Variants in XPO5 observed in about 807,000 individuals in gnomAD.
XPO5 encodes exportin-5.
XPO5 carries 46 observed loss-of-function variants against 160.6 expected under a neutral mutation model. The ratio of observed to expected loss-of-function variants is 0.29; its 90% confidence interval spans 0.23 to 0.37. XPO5 has a LOEUF of 0.37. Among genes scored for constraint, XPO5 ranks in the 10% least tolerant of loss-of-function variants. The pLI is 1.00. For synonymous variants in XPO5, 537 were observed against 519.3 expected (o/e 1.03, Z -0.46); for missense variants, 1,090 against 1,463.9 (o/e 0.74, Z 4.17).
At chr6:43,549,744 G>T (rs1355579096) in intron 16 of XPO5, 149 bp downstream of exon 16, 23 of 1,120,484 alleles carry the variant, frequency 2.1e-5, no homozygotes, top group Middle Eastern at 2.9e-4. Context: ...CATGTTTCTT[G>T]TATGCCCTAT....
intron 16 of XPO5, 137 bp from the exon 17 acceptor site, chr6:43,549,715 T>C (rs1048405476): frequency 8.2e-7 from 1 of 1,226,484 alleles, no homozygotes; most frequent in Non-Finnish European, 1.1e-6. Flanking sequence ...TGGAGTAACA[T>C]TTATAGCCAC....
chr6:43,534,357 C>G (rs1794183329), intron 20 of XPO5, among the ~76,000 whole-genome samples: 1 of 152,198 alleles, frequency 6.6e-6, no homozygotes, highest in Admixed American at 6.5e-5. Context: ...GTGTGCAACA[C>G]TGTGGATTTA....
At position 43,570,003 on chromosome 6, in the gene XPO5, CTTTTTTTT is replaced by C. The variant is rs35322286; in HGVS notation, c.621+491_621+498del. On this transcript the variant is annotated intron_variant, in intron 5 of 31. Transcript: ENST00000265351. ...GGCTGCAGTAAGCCGAGATCCCTAT[CTTTTTTTT>C]TTTTTTTTTTTTTTTTTTTAAAAAA... Among the ~76,000 whole-genome samples, 36 of 85,384 alleles carry C rather than the reference CTTTTTTTT, an allele frequency of 4.2e-4. No homozygotes were observed. The East Asian group carries it at 8.1e-3, about 19-fold the overall frequency. 56.0% of individuals were successfully genotyped at this position (85,384 alleles called of 152,430 possible).
rs111734266 is a variant in XPO5, at chr6:43,531,790, T to C, written c.2444-215A>G. ...CAGGACTTTAGACCCGGGTACTCTT[T>C]TATCTGCTTTTTTTTTTCCCCCAGA... On this transcript the variant is annotated intron_variant, in intron 21 of 31. Transcript: ENST00000265351. Among the ~76,000 whole-genome samples, 57 of 151,606 alleles carry C rather than the reference T, an allele frequency of 3.8e-4. 1 individual carries two copies. Among genetic ancestry groups the C allele is most frequent in the Middle Eastern group, 3.4e-3 (1 of 294 alleles).
chr6:43,538,139 C>CTTTTT lies in XPO5; in HGVS notation c.2343-4137_2343-4133dup, dbSNP rs1160662301. ...TATAAATTTAGAGCCTAAGAGACAT[C>CTTTTT]TTTTTTTTTTTTTTTTTTTTTTTTT... is the stretch of plus-strand genomic sequence containing the variant. On this transcript the variant is annotated intron_variant, in intron 20 of 31. Transcript: ENST00000265351. 2.9e-3 allele frequency among the ~76,000 whole-genome samples: 140 copies of CTTTTT among 48,940 alleles called. 17 individuals carry two copies. The highest frequency in any genetic ancestry group is 0.01 in the African/African-American group (127 of 12,112). The allele number at this position is 48,940 out of a possible 152,430, so 32.1% of individuals were successfully genotyped here. A position where few individuals can be genotyped will look rare whatever the true frequency, so the allele number is the denominator to read the frequency against.
At chr6:43,555,998 A>G in intron 12 of XPO5, 34 bp from the exon 13 acceptor site, 1 of 1,611,196 alleles carries the variant, frequency 6.2e-7, no homozygotes, top group Non-Finnish European at 8.5e-7. Context: ...AAGGACAGGA[A>G]TCAATAACTG....
At chr6:43,527,528 C>T (rs1793676226) in intron 26 of XPO5, 106 bp downstream of exon 26, 2 of 1,171,084 alleles carry the variant, frequency 1.7e-6, no homozygotes, top group African/African-American at 3.1e-5. Flanking sequence ...ATGCCCGCCG[C>T]AAACATGAAT....
intron 20 of XPO5, among the ~76,000 whole-genome samples, chr6:43,536,555 A>T (rs1016704669): frequency 6.6e-6 from 1 of 151,386 alleles, no homozygotes; most frequent in East Asian, 1.9e-4. Flanking sequence ...TCAGGAGTTC[A>T]AGACCAGTCT....
chr6:43,562,313 G>T lies in XPO5; in HGVS notation c.945C>A (p.His315Gln). ...TADGGGLVEKHYVFLKRLCQV... is the reference protein window; with the variant it reads ...TADGGGLVEKQYVFLKRLCQV... ...GACAGAGCCTCTTCAGAAAGACGTA[G>T]TGTTTTTCTACCAAACCTCCTCCAT... The change falls in exon 9 of 32, where the codon CAC becomes CAA. Residue 315 changes from histidine (H) to glutamine (Q), a missense_variant. Physicochemically the swap from His to Gln is conservative, Grantham distance 24 (BLOSUM62 0). Around this residue, in one of 3 missense-constraint regions of XPO5, gnomAD observed 810 missense variants for 1,139.0 expected, o/e 0.71. Coordinates refer to ENST00000265351, the MANE Select transcript of XPO5 (RefSeq NM_020750.3). 2.5e-6 allele frequency: 4 copies of T among 1,609,584 alleles called. No homozygotes were observed. Among genetic ancestry groups the T allele is most frequent in the Non-Finnish European group, 3.4e-6 (4 of 1,178,146 alleles).
In XPO5 at chr6:43,560,308, A is replaced by C. The variant is rs750868028; in HGVS notation, c.1096-5T>G. On this transcript the variant is annotated splice_polypyrimidine_tract_variant and splice_region_variant and intron_variant, in intron 10 of 31. Transcript: ENST00000265351. ...CTGAGTTGAAGAGCGTAGAAACTAA[A>C]GAGAAAAAAAAAAGAAAACGTCAAA... is the stretch of plus-strand genomic sequence containing the variant. 3 of 1,595,352 alleles carry C rather than the reference A, an allele frequency of 1.9e-6. No individual in the cohort carries two copies. The highest frequency in any genetic ancestry group is 1.7e-6 in the Non-Finnish European group (2 of 1,173,036).
At chr6:43,561,087 ATAAAT>A (rs1426791222) in intron 9 of XPO5, 80 bp from the exon 10 acceptor site, 3 of 1,182,078 alleles carry the variant, frequency 2.5e-6, no homozygotes, top group Non-Finnish European at 3.8e-6. Flanking sequence ...ATAAAAACAG[ATAAAT>A]TAAACCCTCA....
At chr6:43,542,111 A>T (rs1430337451) in intron 20 of XPO5, among the ~76,000 whole-genome samples, 1 of 151,870 alleles carries the variant, frequency 6.6e-6, no homozygotes, top group Non-Finnish European at 1.5e-5. Flanking sequence ...TGTATTTTAT[A>T]CTTACAGTTC....
intron 31 of XPO5, 50 bp from the exon 32 acceptor site, chr6:43,524,055 TA>T: frequency 6.3e-7 from 1 of 1,592,252 alleles, no homozygotes. Flanking sequence ...CAGTAGTAGT[TA>T]AAAGATTCTC....
intron 10 of XPO5, 100 bp from the exon 11 acceptor site, chr6:43,560,403 T>C (rs1180114614): frequency 5.7e-6 from 8 of 1,392,950 alleles, no homozygotes; most frequent in African/African-American, 2.9e-5. Flanking sequence ...TAGAAATAAA[T>C]CTGTACAATA....
chr6:43,548,185 C>G, intron 18 of XPO5, 76 bp downstream of exon 18: 1 of 1,422,210 alleles, frequency 7.0e-7, no homozygotes, highest in East Asian at 2.3e-5. Context: ...TAACCCCTAC[C>G]CCACCCTGGG....
intron 20 of XPO5, among the ~76,000 whole-genome samples, chr6:43,538,082 CAAAAAAA>C (rs1217531011): frequency 5.5e-5 from 2 of 36,130 alleles, no homozygotes; most frequent in African/African-American, 8.1e-5. Flanking sequence ...AAGATGGTCT[CAAAAAAA>C]AAAAAAAAAA....
intron 20 of XPO5, among the ~76,000 whole-genome samples, chr6:43,542,854 TCTA>T (rs1325223309): frequency 6.6e-6 from 1 of 152,206 alleles, no homozygotes; most frequent in East Asian, 1.9e-4. Context: ...AGCTAGGAAT[TCTA>T]CTCCTATGTG....
chr6:43,535,959 C>A lies in XPO5; in HGVS notation c.2343-1952G>T, dbSNP rs865828328. ...CCAACATGGTGAAACCCTGTCTCTA[C>A]TAAAAATATAAAAATTAGACGAGTA... is the stretch of plus-strand genomic sequence containing the variant. On this transcript the variant is annotated intron_variant, in intron 20 of 31. Transcript: ENST00000265351. Among the ~76,000 whole-genome samples, 18 of 151,670 alleles carry A rather than the reference C, an allele frequency of 1.2e-4. 1 individual carries two copies. In the Middle Eastern group the frequency reaches 0.021, roughly 173 times the overall value.
At chr6:43,554,556 C>T (rs1016623537) in intron 13 of XPO5, among the ~76,000 whole-genome samples, 4 of 151,792 alleles carry the variant, frequency 2.6e-5, no homozygotes, top group Admixed American at 6.6e-5. Context: ...TCCTGAGTAG[C>T]TAGGATTAAA....
Sources: allele counts gnomAD v4.1 joint callset (sites outside exome capture counted in the v4.1 genomes callset), GRCh38; gene constraint gnomAD v4.1.1; regional missense constraint gnomAD v4.1.1; transcripts MANE v1.5; gene names NCBI Gene and HGNC (gene_info 2026-07-23, HGNC 2026-07-21).